Variants in UNC80 observed in about 807,000 individuals in gnomAD.
UNC80 encodes the protein unc-80 subunit of NALCN channel complex, also known as protein unc-80 homolog.
In UNC80, 164 loss-of-function variants were observed where a neutral mutation model predicts 384.6. The observed-to-expected ratio is 0.43, with a 90% confidence interval of 0.38 to 0.49. The LOEUF is 0.49. Among genes scored for constraint, UNC80 ranks in the 20% least tolerant of loss-of-function variants. UNC80 has a pLI of 0.00. For synonymous variants in UNC80, 1,486 were observed against 1,527.8 expected (o/e 0.97, Z 0.64); for missense variants, 3,330 against 4,143.0 (o/e 0.80, Z 5.39).
intron 63 of UNC80, 130 bp downstream of exon 63, chr2:209,993,556 A>G (rs1249937980): frequency 2.9e-6 from 2 of 690,734 alleles, no homozygotes. Context: ...TAAGGGAAGG[A>G]GTTTCCCAGA....
chr2:209,794,688 T>C (rs2078043695), intron 7 of UNC80: 4 of 392,766 alleles, frequency 1.0e-5, no homozygotes, highest in Admixed American at 8.3e-5. Context: ...GGCCAGTCTT[T>C]CCCATGCTAT....
In UNC80 at chr2:209,959,353, G is replaced by GATCC. The variant is rs2092518369; in HGVS notation, c.7587-136_7587-135insATCC. 3 of 1,077,522 alleles carry GATCC rather than the reference G, an allele frequency of 2.8e-6. No individual in the cohort carries two copies. The African/African-American group carries it at 4.8e-5, about 17-fold the overall frequency. 66.7% of individuals were successfully genotyped at this position (1,077,522 alleles called of 1,614,324 possible). ...AAGCTTTCTTTATCCTTCGGATGAG[G>GATCC]TTCTCCTTGGCCTCACCCTACTGAT... On this transcript the variant is annotated intron_variant, in intron 50 of 64. Transcript: ENST00000673920.
chr2:209,881,770 G>A (rs2085313885), intron 25 of UNC80, among the ~76,000 whole-genome samples: 1 of 151,974 alleles, frequency 6.6e-6, no homozygotes, highest in African/African-American at 2.4e-5. Context: ...TGTGGCACGG[G>A]GCACACCTTG....
At chr2:209,876,285 A>G (rs965933447) in intron 23 of UNC80, among the ~76,000 whole-genome samples, 1 of 152,214 alleles carries the variant, frequency 6.6e-6, no homozygotes, top group Admixed American at 6.5e-5. Context: ...TGGGCTTATA[A>G]TCTACCAAGG....
chr2:209,862,550 G>T lies in UNC80; in HGVS notation c.3628-10208G>T, dbSNP rs1574789637. Among the ~76,000 whole-genome samples, 3 of 151,476 alleles carry T rather than the reference G, an allele frequency of 2.0e-5. No homozygotes were observed. In the South Asian group the frequency reaches 6.3e-4, roughly 32 times the overall value. On this transcript the variant is annotated intron_variant, in intron 22 of 64. Transcript: ENST00000673920. Reference sequence around the variant, plus strand: ...TTTAGGATAGTTAGCTCTTCTTGTTGAATTGTTCTGTTTACCATTATGTAA... The same window carrying T: ...TTTAGGATAGTTAGCTCTTCTTGTTTAATTGTTCTGTTTACCATTATGTAA...
Position 209,904,877 on chromosome 2 carries a change from T to C in UNC80, c.4694T>C (p.Ile1565Thr). 1 of 1,551,832 alleles carries C rather than the reference T, an allele frequency of 6.4e-7. No homozygotes were observed. The highest frequency in any genetic ancestry group is 1.2e-5 in the South Asian group (1 of 84,060). ...SRSCARLVRAIKLLYGDSVDS... is the reference protein window; with the variant it reads ...SRSCARLVRATKLLYGDSVDS... ...TCCTGTGCCCGACTGGTCAGAGCCATCAAGCTACTCTATGGAGACAGTGTG... is the reference window on the plus strand; with the variant it reads ...TCCTGTGCCCGACTGGTCAGAGCCACCAAGCTACTCTATGGAGACAGTGTG... The change falls in exon 29 of 65, where the codon ATC becomes ACC. Residue 1565 changes from isoleucine (I) to threonine (T), a missense_variant. Physicochemically the swap from Ile to Thr is moderately conservative, Grantham distance 89 (BLOSUM62 -1). Transcript: ENST00000673920.
rs953987484 is a variant in UNC80, at chr2:209,802,364, T to C, written c.938+8505T>C. Among the ~76,000 whole-genome samples, 3 of 152,150 alleles carry C rather than the reference T, an allele frequency of 2.0e-5. No homozygotes were observed. The South Asian group carries it at 6.2e-4, about 31-fold the overall frequency. ...TGATGAATCTGTAACTTAGTTTGAG[T>C]TAATCATGCCATAATATGAACATAT... On this transcript the variant is annotated intron_variant, in intron 7 of 64. Transcript: ENST00000673920.
chr2:209,977,180 T>C, intron 58 of UNC80, 102 bp downstream of exon 58: 1 of 1,192,782 alleles, frequency 8.4e-7, no homozygotes, highest in Non-Finnish European at 1.1e-6. Context: ...GAACTATGAA[T>C]ATGTTAGCCA....
chr2:209,860,939 A>G (rs2083300131), intron 22 of UNC80, among the ~76,000 whole-genome samples: 1 of 152,186 alleles, frequency 6.6e-6, no homozygotes, highest in Admixed American at 6.5e-5. Flanking sequence ...CAGTTTAAGG[A>G]GTTTTGGTGC....
intron 31 of UNC80, among the ~76,000 whole-genome samples, chr2:209,916,952 G>T (rs2089593033): frequency 6.6e-6 from 1 of 152,090 alleles, no homozygotes; most frequent in Non-Finnish European, 1.5e-5. Context: ...TGTTCTTATT[G>T]GGAGGTTCAC....
intron 61 of UNC80, 121 bp downstream of exon 61, chr2:209,985,033 C>A: frequency 1.2e-6 from 1 of 832,790 alleles, no homozygotes; most frequent in Non-Finnish European, 1.8e-6. Context: ...TATTTCCATT[C>A]CTTGCCCTTT....
At chr2:209,834,284 A>T (rs2081195637) in intron 17 of UNC80, 116 bp downstream of exon 17, 1 of 1,170,920 alleles carries the variant, frequency 8.5e-7, no homozygotes, top group African/African-American at 1.5e-5. Flanking sequence ...TGGTAAAATT[A>T]TCTTGCGTAA....
intron 33 of UNC80, among the ~76,000 whole-genome samples, chr2:209,919,325 A>G (rs2089840873): frequency 6.6e-6 from 1 of 152,204 alleles, no homozygotes; most frequent in Non-Finnish European, 1.5e-5. Context: ...GCAAAAATAG[A>G]AAAAAGAACA....
chr2:209,828,626 C>G (rs2153828388), intron 14 of UNC80, among the ~76,000 whole-genome samples: 1 of 152,166 alleles, frequency 6.6e-6, no homozygotes, highest in South Asian at 2.1e-4. Flanking sequence ...TCCCAATTCT[C>G]AGGAATTGCC....
At chr2:209,940,021 T>C (rs1361866115) in intron 43 of UNC80, among the ~76,000 whole-genome samples, 1 of 152,166 alleles carries the variant, frequency 6.6e-6, no homozygotes, top group Non-Finnish European at 1.5e-5. Flanking sequence ...CTCAAGAGTT[T>C]GCATTTCTAT....
chr2:209,919,695 A>G lies in UNC80; in HGVS notation c.5343+1032A>G, dbSNP rs113658539. Among the ~76,000 whole-genome samples the G allele has an allele frequency of 3.7e-3, 561 of 152,186 alleles. 3 individuals carry two copies. The highest frequency in any genetic ancestry group is 0.013 in the African/African-American group (538 of 41,512). Reference sequence around the variant, plus strand: ...TTTAAACTCTTTCCCATCACAATATACCTATTTTATTTTAATTCTACCTTC... The same window carrying G: ...TTTAAACTCTTTCCCATCACAATATGCCTATTTTATTTTAATTCTACCTTC... On this transcript the variant is annotated intron_variant, in intron 33 of 64. Coordinates refer to ENST00000673920, the MANE Select transcript of UNC80 (RefSeq NM_001371986.1).
chr2:209,989,079 G>A (rs376867867), intron 61 of UNC80, among the ~76,000 whole-genome samples: 177 of 151,600 alleles, frequency 1.2e-3, no homozygotes, highest in African/African-American at 3.9e-3. Context: ...TTGGGAGGCC[G>A]AGGCAGGCAG....
chr2:209,980,124 T>A (rs1302821373), intron 59 of UNC80, among the ~76,000 whole-genome samples: 1 of 152,154 alleles, frequency 6.6e-6, no homozygotes, highest in African/African-American at 2.4e-5. Context: ...CACCTAAAGT[T>A]GTAATTAGGG....
At chr2:209,937,007 G>C (rs2091293532) in intron 41 of UNC80, 74 bp downstream of exon 41, 2 of 1,019,652 alleles carry the variant, frequency 2.0e-6, no homozygotes, top group Non-Finnish European at 3.0e-6. Context: ...GTGGCTCACA[G>C]TCAGGGAGGC....
Sources: gnomAD v4.1 joint callset for allele counts (sites outside exome capture counted in the v4.1 genomes callset) on GRCh38, gnomAD v4.1.1 for gene constraint, MANE v1.5 for transcripts, NCBI Gene and HGNC (gene_info 2026-07-23, HGNC 2026-07-21) for gene names.